SNAP91: variants seen among roughly 807,000 people sequenced by gnomAD.
The protein encoded by SNAP91 is clathrin coat assembly protein AP180.
A neutral mutation model predicts 100.3 loss-of-function variants in SNAP91; 27 were observed. The observed-to-expected ratio is 0.27, with a 90% confidence interval of 0.20 to 0.37. The LOEUF (loss-of-function observed/expected upper bound fraction) is 0.37, where lower values mean the gene tolerates loss of function less well. Ranked by LOEUF, SNAP91 falls within the 10% of genes least tolerant of loss-of-function variation. SNAP91 has a pLI of 1.00. For missense variants in SNAP91, 986 were observed against 1,123.7 expected, an observed-to-expected ratio of 0.88 and a Z score of 1.75; for synonymous variants, 404 against 398.6, an observed-to-expected ratio of 1.01 and a Z score of -0.16.
chr6:83,586,335 G>A (rs1341321693), intron 22 of SNAP91, among the ~76,000 whole-genome samples: 6 of 152,188 alleles, frequency 3.9e-5, no homozygotes. Context: ...GTGGTTAAGA[G>A]AACAAATGCA....
intron 2 of SNAP91, among the ~76,000 whole-genome samples, chr6:83,667,500 G>T (rs2098707823): frequency 6.6e-6 from 1 of 151,640 alleles, no homozygotes; most frequent in African/African-American, 2.4e-5. Flanking sequence ...TCTTTTCACT[G>T]CTTTTTTTTG....
chr6:83,678,818 G>A (rs773053613), intron 2 of SNAP91: 3 of 1,280,976 alleles, frequency 2.3e-6, no homozygotes, highest in Admixed American at 2.4e-5. Context: ...TTCCTAGGAG[G>A]AATCATCCAA....
At chr6:83,692,833 C>T (rs2099148751) in intron 2 of SNAP91, among the ~76,000 whole-genome samples, 1 of 152,170 alleles carries the variant, frequency 6.6e-6, no homozygotes, top group Non-Finnish European at 1.5e-5. Flanking sequence ...TTTTTCCCTA[C>T]TAGCTAGAGA....
At chr6:83,689,067 C>T (rs1215783460) in intron 2 of SNAP91, among the ~76,000 whole-genome samples, 1 of 152,096 alleles carries the variant, frequency 6.6e-6, no homozygotes, top group East Asian at 1.9e-4. Flanking sequence ...TGTCTATGCT[C>T]TAAGATCTTT....
intron 8 of SNAP91, 48 bp downstream of exon 8, chr6:83,641,048 G>A (rs78796405): frequency 0.018 from 19,095 of 1,090,588 alleles, 205 homozygotes; most frequent in Middle Eastern, 0.029. Flanking sequence ...AGATACATGA[G>A]CAAATATTTA....
chr6:83,690,449 T>A, intron 2 of SNAP91: 1 of 1,266,730 alleles, frequency 7.9e-7, no homozygotes, highest in Non-Finnish European at 1.0e-6. Context: ...ACGAAAACAA[T>A]GCAGCTCAGT....
chr6:83,593,856 T>C (rs2094138696), intron 17 of SNAP91, 115 bp from the exon 18 acceptor site: 1 of 1,411,414 alleles, frequency 7.1e-7, no homozygotes, highest in African/African-American at 1.4e-5. Flanking sequence ...TAGCTAGGTG[T>C]GAGGCTCCTT....
chr6:83,621,130 T>G (rs1159042304), intron 9 of SNAP91, among the ~76,000 whole-genome samples: 1 of 152,178 alleles, frequency 6.6e-6, no homozygotes, highest in Non-Finnish European at 1.5e-5. Context: ...TACCCTCCAG[T>G]AGGCCTCGGT....
In SNAP91 at chr6:83,575,136, G is replaced by C; in HGVS notation, c.2331-15C>G. 1 of 1,528,336 alleles carries C rather than the reference G, an allele frequency of 6.5e-7. No homozygotes were observed. The highest frequency in any genetic ancestry group is 9.0e-7 in the Non-Finnish European group (1 of 1,110,122). The allele number at this position is 1,528,336 out of a possible 1,614,324, so 94.7% of individuals were successfully genotyped here. A position where few individuals can be genotyped will look rare whatever the true frequency, so the allele number is the denominator to read the frequency against. ...GAAGATCTCCCCTAAAATTAACCAT[G>C]CAAAACAAGCAAACAAACAAAAAAT... On this transcript the variant is annotated splice_polypyrimidine_tract_variant and intron_variant, in intron 25 of 29. Coordinates refer to ENST00000369694, the MANE Select transcript of SNAP91 (RefSeq NM_001242792.2).
chr6:83,665,132 A>C (rs1272701694), intron 3 of SNAP91, among the ~76,000 whole-genome samples: 1 of 152,108 alleles, frequency 6.6e-6, no homozygotes, highest in Non-Finnish European at 1.5e-5. Context: ...GCACTGGGAA[A>C]CCAAAACATT....
chr6:83,564,547 T>G (rs1316901812), intron 26 of SNAP91, among the ~76,000 whole-genome samples: 2 of 152,024 alleles, frequency 1.3e-5, no homozygotes, highest in African/African-American at 2.4e-5. Flanking sequence ...TTATTTTTTG[T>G]AGAGATAGAG....
rs1815814466 is a variant in SNAP91, at chr6:83,575,013, A to G, written c.2439T>C (p.Pro813=). The change falls in exon 26 of 30, where the codon CCT becomes CCC. Residue 813 remains proline (P), a synonymous_variant. Coordinates refer to ENST00000369694, the MANE Select transcript of SNAP91 (RefSeq NM_001242792.2). Reference sequence around the variant, plus strand: ...CTGGGCTCTGATTGCTACATACCAAAGGTGCACTTGGTGGAACGCCTGCTG... The same window carrying G: ...CTGGGCTCTGATTGCTACATACCAAGGGTGCACTTGGTGGAACGCCTGCTG... ...TWSAGVPPSA[P]LQGAVPPTSS... 6.3e-7 allele frequency: 1 copy of G among 1,585,696 alleles called. No individual in the cohort carries two copies. The highest frequency in any genetic ancestry group is 1.8e-5 in the Admixed American group (1 of 56,508).
At chr6:83,581,648 T>C (rs536170652) in intron 23 of SNAP91, among the ~76,000 whole-genome samples, 1 of 152,344 alleles carries the variant, frequency 6.6e-6, no homozygotes, top group Admixed American at 6.5e-5. Context: ...AGAGGATTTA[T>C]TTAGGGTGTT....
chr6:83,603,544 GGTAAA>G (rs1562299275), intron 14 of SNAP91, among the ~76,000 whole-genome samples: 2 of 151,000 alleles, frequency 1.3e-5, no homozygotes, highest in Non-Finnish European at 2.9e-5. Context: ...AACTGTCTTT[GGTAAA>G]TCAGTGAGTT....
intron 16 of SNAP91, among the ~76,000 whole-genome samples, chr6:83,594,835 A>G (rs578256256): frequency 6.6e-6 from 1 of 152,354 alleles, no homozygotes; most frequent in East Asian, 1.9e-4. Flanking sequence ...AATTTAAGAC[A>G]TTAAACTTTC....
chr6:83,566,566 A>T (rs1307827835), intron 26 of SNAP91, among the ~76,000 whole-genome samples: 1 of 152,174 alleles, frequency 6.6e-6, no homozygotes, highest in African/African-American at 2.4e-5. Context: ...CTGATCAAAT[A>T]AATGGTCAAA....
chr6:83,649,232 C>G (rs1281007596), intron 7 of SNAP91, among the ~76,000 whole-genome samples: 1 of 152,150 alleles, frequency 6.6e-6, no homozygotes, highest in Admixed American at 6.5e-5. Context: ...TGGCTCAGGA[C>G]CTCATGAAGT....
In SNAP91 at chr6:83,593,754, A is replaced by T; in HGVS notation, c.1433-13T>A. 2 of 1,546,972 alleles carry T rather than the reference A, an allele frequency of 1.3e-6. No individual in the cohort carries two copies. The highest frequency in any genetic ancestry group is 1.2e-5 in the South Asian group (1 of 81,016). ...GGGGCAAAGGGGTCTTTTGGAAAGG[A>T]AAGTGGAGACACACACAGCATCAGT... On this transcript the variant is annotated splice_polypyrimidine_tract_variant and intron_variant, in intron 17 of 29. Coordinates refer to ENST00000369694, the MANE Select transcript of SNAP91 (RefSeq NM_001242792.2).
At chr6:83,683,840 G>A (rs1244312738) in intron 2 of SNAP91, among the ~76,000 whole-genome samples, 2 of 152,006 alleles carry the variant, frequency 1.3e-5, no homozygotes, top group Admixed American at 6.6e-5. Flanking sequence ...ATCCACAAAG[G>A]CCCCTTGGCT....
Sources: gnomAD v4.1 joint callset for allele counts (sites outside exome capture counted in the v4.1 genomes callset) on GRCh38, gnomAD v4.1.1 for gene constraint, MANE v1.5 for transcripts, NCBI Gene and HGNC (gene_info 2026-07-23, HGNC 2026-07-21) for gene names.